The following RGSL1 variants were observed in gnomAD, a reference collection of about 807,000 sequenced individuals.
The protein encoded by RGSL1 is regulator of G protein signaling protein-like.
RGSL1 carries 97 observed loss-of-function variants against 124.7 expected under a neutral mutation model. That is an observed-to-expected ratio of 0.78 (90% CI 0.66 to 0.92). The LOEUF is 0.92. Among genes scored for constraint, RGSL1 ranks in the 40% least tolerant of loss-of-function variants. The pLI is 0.00. For missense variants in RGSL1, 1,233 were observed against 1,288.4 expected (o/e 0.96, Z 0.66); for synonymous variants, 424 against 438.1 (o/e 0.97, Z 0.40).
At chr1:182,530,427 G>A (rs1659083589) in intron 12 of RGSL1, 66 bp downstream of exon 12, 1 of 1,201,756 alleles carries the variant, frequency 8.3e-7, no homozygotes, top group Non-Finnish European at 1.2e-6. Context: ...AAAGCCATAT[G>A]CATCAAGGGT....
At chr1:182,450,404 G>A in intron 1 of RGSL1, 5 of 584,116 alleles carry the variant, frequency 8.6e-6, no homozygotes. Flanking sequence ...AGACAACTAA[G>A]GCAAGAGGGA....
Position 182,548,835 on chromosome 1 carries a change from C to T in RGSL1, c.2933+11C>T. 1 of 1,551,302 alleles carries T rather than the reference C, an allele frequency of 6.4e-7. No individual in the cohort carries two copies. The highest frequency in any genetic ancestry group is 1.4e-5 in the African/African-American group (1 of 73,142). On this transcript the variant is annotated intron_variant, in intron 17 of 21. Transcript: ENST00000294854. ...GTACTTCTGGAAAAGGTAACTGTTT[C>T]TCCTTATTCAGTGACTGTTAGGTCA... is the stretch of plus-strand genomic sequence containing the variant.
At chr1:182,469,737 T>G (rs1423562637) in intron 4 of RGSL1, among the ~76,000 whole-genome samples, 1 of 152,136 alleles carries the variant, frequency 6.6e-6, no homozygotes. Context: ...AATAGTTAAG[T>G]GTGGAAACAG....
intron 4 of RGSL1, among the ~76,000 whole-genome samples, chr1:182,466,309 C>A (rs1039273674): frequency 6.6e-6 from 1 of 152,014 alleles, no homozygotes; most frequent in African/African-American, 2.4e-5. Flanking sequence ...GAAACTCTCA[C>A]CAGAGCAATT....
intron 9 of RGSL1, among the ~76,000 whole-genome samples, chr1:182,502,376 A>G (rs1656459820): frequency 6.6e-6 from 1 of 152,110 alleles, no homozygotes; most frequent in Non-Finnish European, 1.5e-5. Flanking sequence ...TAGGAGTTTG[A>G]GAGCAGTCTG....
intron 6 of RGSL1, among the ~76,000 whole-genome samples, chr1:182,475,955 TTC>T (rs1306481739): frequency 2.6e-5 from 4 of 152,216 alleles, no homozygotes; most frequent in Admixed American, 2.0e-4. Context: ...GTCTTGTTGC[TTC>T]TCTTATACAG....
chr1:182,550,984 C>T, intron 17 of RGSL1, 116 bp from the exon 18 acceptor site: 1 of 684,578 alleles, frequency 1.5e-6, no homozygotes, highest in Non-Finnish European at 2.6e-6. Context: ...TTCCTCTTCT[C>T]TGTTGGACAC....
intron 6 of RGSL1, among the ~76,000 whole-genome samples, chr1:182,486,005 A>G (rs568838554): frequency 7.9e-5 from 12 of 152,278 alleles, no homozygotes; most frequent in Non-Finnish European, 1.5e-4. Flanking sequence ...AATATTTACC[A>G]TCTGGCACTT....
intron 10 of RGSL1, among the ~76,000 whole-genome samples, chr1:182,526,693 C>T (rs1384713195): frequency 6.6e-6 from 1 of 152,002 alleles, no homozygotes; most frequent in Admixed American, 6.6e-5. Flanking sequence ...AATGCAAAAA[C>T]CAGTTAATAC....
chr1:182,555,901 C>G (rs1378784957), intron 20 of RGSL1, 123 bp from the exon 21 acceptor site: 2 of 798,406 alleles, frequency 2.5e-6, no homozygotes, highest in South Asian at 1.7e-5. Flanking sequence ...TATTCTGAAG[C>G]CTGAAGGTTT....
chr1:182,480,093 A>G (rs1299096732), intron 6 of RGSL1, among the ~76,000 whole-genome samples: 1 of 152,216 alleles, frequency 6.6e-6, no homozygotes, highest in Non-Finnish European at 1.5e-5. Context: ...ATACGGACAG[A>G]AAATGAACAA....
intron 9 of RGSL1, among the ~76,000 whole-genome samples, chr1:182,506,423 CTTTA>C (rs1042085749): frequency 6.6e-6 from 1 of 152,026 alleles, no homozygotes; most frequent in African/African-American, 2.4e-5. Flanking sequence ...TCAATTTTTG[CTTTA>C]TTTGAGTCTA....
rs34247322 is a variant in RGSL1 at position 182,530,538 on chromosome 1, T to TACACACACACACAC, written c.2243+191_2243+204dup. On this transcript the variant is annotated intron_variant, in intron 12 of 21. Coordinates refer to ENST00000294854, the MANE Select transcript of RGSL1 (RefSeq NM_001137669.2). ...TACCTATCTATCTGACACACACACA[T>TACACACACACACAC]ACACACACACACACACACACACACA... is the stretch of plus-strand genomic sequence containing the variant. 9.0e-3 allele frequency among the ~76,000 whole-genome samples: 1,336 copies of TACACACACACACAC among 149,242 alleles called. 14 individuals are homozygous for TACACACACACACAC. Among genetic ancestry groups the TACACACACACACAC allele is most frequent in the African/African-American group, 0.027 (1,113 of 40,604 alleles).
chr1:182,493,167 G>A lies in RGSL1; in HGVS notation c.1825+38G>A. ...AATCAGGGATAGACGAGGCAACTAG[G>A]TTTTTTCAAATCTAAGAGAAAATCT... On this transcript the variant is annotated intron_variant, in intron 9 of 21. Transcript: ENST00000294854. The A allele has an allele frequency of 3.0e-6, 4 of 1,351,252 alleles. No homozygotes were observed. The South Asian group carries it at 5.1e-5, about 17-fold the overall frequency. 83.7% of individuals were successfully genotyped at this position (1,351,252 alleles called of 1,614,324 possible).
At chr1:182,478,972 T>C (rs1654494232) in intron 6 of RGSL1, among the ~76,000 whole-genome samples, 1 of 152,126 alleles carries the variant, frequency 6.6e-6, no homozygotes. Context: ...AAACTGGCAA[T>C]TGAGAATTCT....
intron 3 of RGSL1, among the ~76,000 whole-genome samples, chr1:182,458,736 T>C (rs1251684040): frequency 6.6e-6 from 1 of 151,838 alleles, no homozygotes; most frequent in Non-Finnish European, 1.5e-5. Context: ...GCCTCCCAAA[T>C]TGCTGGGATT....
intron 6 of RGSL1, among the ~76,000 whole-genome samples, chr1:182,485,915 C>A (rs530112533): frequency 6.6e-6 from 1 of 152,158 alleles, no homozygotes; most frequent in Non-Finnish European, 1.5e-5. Flanking sequence ...CAAAACTGTG[C>A]CCGTTTGTTT....
At chr1:182,488,114 A>T (rs1282890055) in intron 6 of RGSL1, among the ~76,000 whole-genome samples, 171 bp from the exon 7 acceptor site, 1 of 152,234 alleles carries the variant, frequency 6.6e-6, no homozygotes. Flanking sequence ...CTATTCAGAG[A>T]TAAAAGAATG....
chr1:182,465,517 C>T (rs916608523), intron 4 of RGSL1, among the ~76,000 whole-genome samples: 4 of 151,708 alleles, frequency 2.6e-5, no homozygotes, highest in Admixed American at 6.6e-5. Flanking sequence ...ATGTAAATGA[C>T]GAGTTAATGG....
Sources: allele counts gnomAD v4.1 joint callset (sites outside exome capture counted in the v4.1 genomes callset), GRCh38; gene constraint gnomAD v4.1.1; transcripts MANE v1.5; gene names NCBI Gene and HGNC (gene_info 2026-07-23, HGNC 2026-07-21).